Variants in NKAIN2 observed in about 807,000 individuals in gnomAD.
The protein encoded by NKAIN2 is sodium/potassium-transporting ATPase subunit beta-1-interacting protein 2.
A neutral mutation model predicts 32.6 loss-of-function variants in NKAIN2; 14 were observed. That is an observed-to-expected ratio of 0.43 (90% CI 0.28 to 0.67). NKAIN2 has a LOEUF of 0.67. Among genes scored for constraint, NKAIN2 ranks in the 30% least tolerant of loss-of-function variants. The pLI, the probability that NKAIN2 is intolerant of heterozygous loss-of-function variation, is 0.17. For missense variants in NKAIN2, 198 were observed against 258.3 expected (o/e 0.77, Z 1.60); for synonymous variants, 80 against 87.2 (o/e 0.92, Z 0.46).
At chr6:124,533,471 C>CAA (rs201100605) in intron 3 of NKAIN2, among the ~76,000 whole-genome samples, 31 of 58,970 alleles carry the variant, frequency 5.3e-4, no homozygotes, top group East Asian at 2.7e-3. Context: ...GACTCTGTCT[C>CAA]AAAAAAAAAA....
intron 4 of NKAIN2, among the ~76,000 whole-genome samples, chr6:124,717,182 A>C (rs1230060404): frequency 6.6e-6 from 1 of 152,252 alleles, no homozygotes; most frequent in African/African-American, 2.4e-5. Context: ...ATTTTAAAAA[A>C]TTGGAGTTCT....
intron 3 of NKAIN2, among the ~76,000 whole-genome samples, chr6:124,418,493 TTA>T (rs1377869230): frequency 1.4e-5 from 2 of 147,834 alleles, no homozygotes; most frequent in East Asian, 3.9e-4. Context: ...TATAGTTTAT[TTA>T]TATATATAGT....
intron 1 of NKAIN2, among the ~76,000 whole-genome samples, chr6:123,852,723 A>G (rs9490971): frequency 0.026 from 3,884 of 152,302 alleles, 162 homozygotes; most frequent in African/African-American, 0.089. Context: ...GGAGAACATT[A>G]TGTTATGTAA....
intron 1 of NKAIN2, among the ~76,000 whole-genome samples, chr6:124,279,900 A>T (rs1038473747): frequency 1.3e-5 from 2 of 152,196 alleles, no homozygotes; most frequent in African/African-American, 4.8e-5. Context: ...TGTTACAAAT[A>T]AAAACTTCAT....
intron 4 of NKAIN2, among the ~76,000 whole-genome samples, chr6:124,780,640 G>C (rs556956904): frequency 6.6e-6 from 1 of 152,298 alleles, no homozygotes; most frequent in South Asian, 2.1e-4. Flanking sequence ...TCGACACTTT[G>C]CTATCATGTC....
chr6:123,865,364 A>G (rs1314420161), intron 1 of NKAIN2, among the ~76,000 whole-genome samples: 2 of 152,110 alleles, frequency 1.3e-5, no homozygotes, highest in African/African-American at 2.4e-5. Flanking sequence ...TTTTTAATTC[A>G]TTCTAGAAGA....
intron 1 of NKAIN2, among the ~76,000 whole-genome samples, chr6:124,086,276 A>C (rs1187240841): frequency 7.2e-5 from 11 of 151,988 alleles, no homozygotes; most frequent in Admixed American, 3.3e-4. Context: ...ACTGGTTAGT[A>C]AACTTTGGAG....
chr6:124,773,108 G>C (rs139368077), intron 4 of NKAIN2, among the ~76,000 whole-genome samples: 1 of 152,174 alleles, frequency 6.6e-6, no homozygotes, highest in Non-Finnish European at 1.5e-5. Flanking sequence ...ACTTGGCCAA[G>C]CCAAATAAAG....
rs542288075 is a variant in NKAIN2 at position 124,072,382 on chromosome 6, G to A, written c.55-210623G>A. On this transcript the variant is annotated intron_variant, in intron 1 of 6. Transcript: ENST00000368417. ...TACTATTCCCACTACCTGCATAAGA[G>A]ATTATTTGTATCCCAAACCTCAGCA... Among the ~76,000 whole-genome samples the A allele has an allele frequency of 1.4e-4, 21 of 152,168 alleles. 1 individual carries two copies. Among genetic ancestry groups the A allele is most frequent in the African/African-American group, 5.1e-4 (21 of 41,524 alleles).
chr6:124,507,003 T>A (rs1778512272), intron 3 of NKAIN2, among the ~76,000 whole-genome samples: 1 of 152,226 alleles, frequency 6.6e-6, no homozygotes, highest in South Asian at 2.1e-4. Flanking sequence ...CATGGGAACA[T>A]TAAAGTCTAA....
At chr6:124,801,318 A>G (rs1289961000) in intron 5 of NKAIN2, among the ~76,000 whole-genome samples, 1 of 152,230 alleles carries the variant, frequency 6.6e-6, no homozygotes, top group Non-Finnish European at 1.5e-5. Context: ...TTCATATGTG[A>G]ACTAATCCCA....
chr6:123,918,568 G>A (rs990717317), intron 1 of NKAIN2, among the ~76,000 whole-genome samples: 4 of 152,096 alleles, frequency 2.6e-5, no homozygotes, highest in Admixed American at 2.0e-4. Flanking sequence ...CTAGTCCATG[G>A]CACCCAGGTA....
intron 1 of NKAIN2, among the ~76,000 whole-genome samples, chr6:123,925,752 A>T (rs533305449): frequency 6.6e-6 from 1 of 152,288 alleles, no homozygotes; most frequent in Non-Finnish European, 1.5e-5. Flanking sequence ...TGTCTTTGAA[A>T]GTCTCCAACT....
chr6:124,146,830 A>G (rs1787433151), intron 1 of NKAIN2, among the ~76,000 whole-genome samples: 2 of 152,166 alleles, frequency 1.3e-5, no homozygotes, highest in Non-Finnish European at 2.9e-5. Flanking sequence ...ATACATATGT[A>G]AGTGAAAGAA....
chr6:124,258,167 A>G (rs923327530), intron 1 of NKAIN2, among the ~76,000 whole-genome samples: 3 of 151,944 alleles, frequency 2.0e-5, no homozygotes, highest in African/African-American at 7.2e-5. Flanking sequence ...ACTGAGGTAT[A>G]GACAGAGGAA....
chr6:124,625,884 T>TAACA lies in NKAIN2; in HGVS notation c.274-32293_274-32290dup, dbSNP rs932312690. Among the ~76,000 whole-genome samples the TAACA allele has an allele frequency of 4.8e-5, 6 of 123,982 alleles. 1 individual carries two copies. Among genetic ancestry groups the TAACA allele is most frequent in the South Asian group, 5.1e-4 (2 of 3,918 alleles). 81.3% of individuals were successfully genotyped at this position (123,982 alleles called of 152,430 possible). Reference sequence around the variant, plus strand: ...TCCAAAGCTTCTACTCTTTCTCCTCTAACAAACAAACATATTGTGTTCCTT... The same window carrying TAACA: ...TCCAAAGCTTCTACTCTTTCTCCTCTAACAAACAAACAAACATATTGTGTTCCTT... On this transcript the variant is annotated intron_variant, in intron 3 of 6. Coordinates refer to ENST00000368417, the MANE Select transcript of NKAIN2 (RefSeq NM_001040214.3).
chr6:123,809,346 T>C (rs1315803710), intron 1 of NKAIN2, among the ~76,000 whole-genome samples: 1 of 42 alleles, frequency 0.024, no homozygotes, highest in Admixed American at 0.25. Context: ...GCTACCTTTT[T>C]TCATACAATG....
chr6:123,846,752 C>T (rs1245572818), intron 1 of NKAIN2, among the ~76,000 whole-genome samples: 10 of 152,058 alleles, frequency 6.6e-5, no homozygotes, highest in East Asian at 5.8e-4. Flanking sequence ...CTGATGAGGG[C>T]GCTAATGAAG....
intron 3 of NKAIN2, among the ~76,000 whole-genome samples, chr6:124,591,510 A>G (rs1424633456): frequency 6.6e-6 from 1 of 152,062 alleles, no homozygotes; most frequent in Non-Finnish European, 1.5e-5. Flanking sequence ...CTTTGCTTCC[A>G]ATGCCATTGA....
Sources: gnomAD v4.1 joint callset for allele counts (sites outside exome capture counted in the v4.1 genomes callset) on GRCh38, gnomAD v4.1.1 for gene constraint, MANE v1.5 for transcripts, NCBI Gene and HGNC (gene_info 2026-07-23, HGNC 2026-07-21) for gene names.